Variants in C1QTNF7 observed in about 807,000 individuals in gnomAD.
C1QTNF7 encodes complement C1q tumor necrosis factor-related protein 7.
In C1QTNF7, 15 loss-of-function variants were observed where a neutral mutation model predicts 19.6. The ratio of observed to expected loss-of-function variants is 0.76; its 90% CI spans 0.51 to 1.18. The LOEUF is 1.18. Among genes scored for constraint, C1QTNF7 ranks in the 50% most tolerant of loss-of-function variants. The pLI is 0.00. For missense variants in C1QTNF7, 324 were observed against 359.7 expected (o/e 0.90, Z 0.80); for synonymous variants, 142 against 137.5 (o/e 1.03, Z -0.23).
intron 1 of C1QTNF7, among the ~76,000 whole-genome samples, chr4:15,393,423 A>C (rs1223312565): frequency 6.6e-6 from 1 of 152,154 alleles, no homozygotes; most frequent in Non-Finnish European, 1.5e-5. Context: ...AAATCTTAGA[A>C]GGAGGCCCCC....
At chr4:15,391,282 G>T (rs1298795905) in intron 1 of C1QTNF7, among the ~76,000 whole-genome samples, 1 of 151,958 alleles carries the variant, frequency 6.6e-6, no homozygotes, top group Non-Finnish European at 1.5e-5. Flanking sequence ...TGGACTCCCA[G>T]GGTTGAGTAG....
chr4:15,369,212 C>T (rs539919132), intron 1 of C1QTNF7, among the ~76,000 whole-genome samples: 1 of 152,178 alleles, frequency 6.6e-6, no homozygotes, highest in African/African-American at 2.4e-5. Flanking sequence ...TTGAGAGTCT[C>T]TGCACACAAG....
At chr4:15,359,413 AATGGGTACAAATAAAAGAGAAGTTG>A (rs1216116728) in intron 1 of C1QTNF7, among the ~76,000 whole-genome samples, 65 of 152,126 alleles carry the variant, frequency 4.3e-4, no homozygotes, top group African/African-American at 1.4e-3. Flanking sequence ...CTGGGAACTC[AATGGGTACAAATAAAAGAGAAGTTG>A]ATTCACACTA....
At chr4:15,352,016 G>A (rs558967557) in intron 1 of C1QTNF7, among the ~76,000 whole-genome samples, 1 of 152,238 alleles carries the variant, frequency 6.6e-6, no homozygotes, top group African/African-American at 2.4e-5. Flanking sequence ...TGAACCAAAA[G>A]TGCATCTACT....
intron 1 of C1QTNF7, among the ~76,000 whole-genome samples, chr4:15,379,963 G>A (rs1290780523): frequency 6.6e-6 from 1 of 152,226 alleles, no homozygotes; most frequent in Non-Finnish European, 1.5e-5. Flanking sequence ...TACGTTGGTT[G>A]AAGTGATGTC....
chr4:15,397,907 C>A (rs757282187), intron 1 of C1QTNF7, among the ~76,000 whole-genome samples: 2 of 152,198 alleles, frequency 1.3e-5, no homozygotes, highest in Non-Finnish European at 2.9e-5. Context: ...ATCCCCAAAT[C>A]ATCCCAACTG....
exon 1 of C1QTNF7, chr4:15,340,017 C>A: frequency 1.3e-6 from 1 of 769,424 alleles, no homozygotes. Context: ...AAGCTTCAAA[C>A]GCATTCTCAT....
chr4:15,441,297 A>G (rs1712747770), intron 2 of C1QTNF7, among the ~76,000 whole-genome samples: 3 of 152,256 alleles, frequency 2.0e-5, no homozygotes, highest in Admixed American at 2.0e-4. Context: ...ATTTGCAATG[A>G]AAGTAATAAT....
At chr4:15,431,132 CA>C (rs760933975) in intron 1 of C1QTNF7, among the ~76,000 whole-genome samples, 3 of 151,722 alleles carry the variant, frequency 2.0e-5, no homozygotes, top group Non-Finnish European at 4.4e-5. Context: ...CTTATAACAG[CA>C]AAAGAAAGAA....
intron 1 of C1QTNF7, chr4:15,374,188 G>GTGA (rs1560346462): frequency 6.6e-6 from 1 of 152,252 alleles, no homozygotes; most frequent in Non-Finnish European, 1.5e-5. Context: ...AACTAGCTGT[G>GTGA]TGATGCTGGT....
At chr4:15,430,119 T>G (rs1309817277) in intron 1 of C1QTNF7, among the ~76,000 whole-genome samples, 1 of 152,196 alleles carries the variant, frequency 6.6e-6, no homozygotes, top group Non-Finnish European at 1.5e-5. Context: ...ATACAACATT[T>G]CTGCCTCAAA....
chr4:15,397,945 G>A (rs1232898853), intron 1 of C1QTNF7, among the ~76,000 whole-genome samples: 1 of 152,114 alleles, frequency 6.6e-6, no homozygotes, highest in Non-Finnish European at 1.5e-5. Context: ...GCACCCAGTG[G>A]AATTAAGGCC....
At chr4:15,384,573 G>T (rs995374773) in intron 1 of C1QTNF7, among the ~76,000 whole-genome samples, 34 of 152,170 alleles carry the variant, frequency 2.2e-4, no homozygotes, top group Admixed American at 6.5e-5. Context: ...CACCAGCAAA[G>T]AGGTGTGTGC....
At chr4:15,415,945 G>A (rs912364108) in intron 1 of C1QTNF7, among the ~76,000 whole-genome samples, 1 of 151,974 alleles carries the variant, frequency 6.6e-6, no homozygotes, top group African/African-American at 2.4e-5. Context: ...TTTAATTATA[G>A]AACAAATCAT....
intron 1 of C1QTNF7, among the ~76,000 whole-genome samples, chr4:15,367,311 T>C (rs1237161657): frequency 6.6e-6 from 1 of 152,180 alleles, no homozygotes; most frequent in African/African-American, 2.4e-5. Flanking sequence ...AAGAATTAAC[T>C]CCACTTAGGA....
chr4:15,354,299 T>A (rs1338243242), intron 1 of C1QTNF7, among the ~76,000 whole-genome samples: 1 of 152,082 alleles, frequency 6.6e-6, no homozygotes, highest in East Asian at 1.9e-4. Flanking sequence ...AGGTAAGGGT[T>A]GGATAAGAGA....
chr4:15,354,718 GC>G (rs1171223465), intron 1 of C1QTNF7, among the ~76,000 whole-genome samples: 1 of 151,998 alleles, frequency 6.6e-6, no homozygotes, highest in Non-Finnish European at 1.5e-5. Context: ...GATAAAAGAG[GC>G]CCCACACTAC....
rs1712811476 is a variant in C1QTNF7 at position 15,442,420 on chromosome 4, C to T, written c.491C>T (p.Pro164Leu). 1 of 1,614,044 alleles carries T rather than the reference C, an allele frequency of 6.2e-7. No homozygotes were observed. Residue 164 changes from proline (P) to leucine (L), a missense_variant, in exon 3 of 3, where the codon CCT becomes CTT. Physicochemically the swap from Pro to Leu is moderately conservative, Grantham distance 98 (BLOSUM62 -3). Coordinates refer to ENST00000444304, the MANE Select transcript of C1QTNF7 (RefSeq NM_031911.5). ...ACCAGCTACCCAGAAGAAAGACTACCTATTATATTTAACAAGGTCCTCTTC... is the reference window on the plus strand; with the variant it reads ...ACCAGCTACCCAGAAGAAAGACTACTTATTATATTTAACAAGGTCCTCTTC... ...ITTSYPEERL[P>L]IIFNKVLFNE...
intron 1 of C1QTNF7, among the ~76,000 whole-genome samples, chr4:15,348,727 G>A (rs781511966): frequency 1.3e-5 from 2 of 152,192 alleles, no homozygotes; most frequent in African/African-American, 2.4e-5. Context: ...TATGTGAAAT[G>A]TTTCTATTTT....
Sources: allele counts gnomAD v4.1 joint callset (sites outside exome capture counted in the v4.1 genomes callset), GRCh38; gene constraint gnomAD v4.1.1; transcripts MANE v1.5; gene names NCBI Gene and HGNC (gene_info 2026-07-23, HGNC 2026-07-21).